The following APBA2 variants were observed in gnomAD, a reference collection of about 807,000 sequenced individuals.
The protein encoded by APBA2 is amyloid beta precursor protein binding family A member 2.
Under a neutral mutation model 75.0 loss-of-function variants are expected in APBA2, and 30 were observed. The ratio of observed to expected loss-of-function variants is 0.40; its 90% CI spans 0.30 to 0.54. The LOEUF is 0.54. Among genes scored for constraint, APBA2 ranks in the 20% least tolerant of loss-of-function variants. The probability of loss-of-function intolerance (pLI) is 0.49; values close to 1 mark genes in which losing one functional copy is unlikely to be tolerated. For missense variants in APBA2, 801 were observed against 1,016.1 expected (o/e 0.79, Z 2.88); for synonymous variants, 444 against 409.6 (o/e 1.08, Z -1.01).
intron 6 of APBA2, among the ~76,000 whole-genome samples, chr15:29,076,338 A>T (rs2042850316): frequency 6.6e-6 from 1 of 152,086 alleles, no homozygotes; most frequent in Admixed American, 6.5e-5. Context: ...ACCCTCACTA[A>T]TTGCATCACA....
At chr15:29,098,691 A>T in intron 9 of APBA2, 115 bp downstream of exon 9, 2 of 910,532 alleles carry the variant, frequency 2.2e-6, no homozygotes, top group Non-Finnish European at 3.5e-6. Context: ...CTCTGCGCCC[A>T]TCAACCCAAG....
At chr15:29,110,443 T>G (rs1281722585) in intron 13 of APBA2, among the ~76,000 whole-genome samples, 1 of 152,204 alleles carries the variant, frequency 6.6e-6, no homozygotes, top group Non-Finnish European at 1.5e-5. Context: ...CCTGGGTTGG[T>G]GGCCAGTGCT....
chr15:28,961,563 T>A (rs1241325977), intron 2 of APBA2: 1 of 152,154 alleles, frequency 6.6e-6, no homozygotes, highest in Admixed American at 6.5e-5. Flanking sequence ...CTGAGCTGGA[T>A]GTGAATGACG....
intron 3 of APBA2, among the ~76,000 whole-genome samples, chr15:29,048,914 G>A (rs1003983920): frequency 1.3e-5 from 2 of 150,992 alleles, no homozygotes; most frequent in Admixed American, 1.3e-4. Context: ...CTGCACTCCG[G>A]CCTGGCAACA....
intron 1 of APBA2, among the ~76,000 whole-genome samples, chr15:28,905,913 C>T (rs2033109575): frequency 1.3e-5 from 2 of 152,110 alleles, no homozygotes; most frequent in Admixed American, 1.3e-4. Context: ...TACAGAAATG[C>T]ATCATGTAGA....
At chr15:29,085,786 T>TAAA (rs1287477544) in intron 6 of APBA2, among the ~76,000 whole-genome samples, 3 of 152,168 alleles carry the variant, frequency 2.0e-5, no homozygotes, top group African/African-American at 4.8e-5. Context: ...TTGCCCCAGG[T>TAAA]CTGGAACCAG....
rs2045251126 is a variant in APBA2 at position 29,117,322 on chromosome 15, A to G, written c.*189A>G. On this transcript the variant is annotated 3_prime_UTR_variant, in exon 15 of 15. Coordinates refer to ENST00000683413, the MANE Select transcript of APBA2 (RefSeq NM_001353788.2). Reference sequence around the variant, plus strand: ...GCCAAAAAGGGGTATGTCTTTATCAAAGGAGAGTCACAGAACAAATGTTTG... The same window carrying G: ...GCCAAAAAGGGGTATGTCTTTATCAGAGGAGAGTCACAGAACAAATGTTTG... 3.3e-6 allele frequency: 2 copies of G among 609,546 alleles called. No homozygotes were observed. 37.8% of individuals were successfully genotyped at this position (609,546 alleles called of 1,614,324 possible).
At chr15:28,903,494 T>G (rs1328624807) in intron 1 of APBA2, among the ~76,000 whole-genome samples, 1 of 152,166 alleles carries the variant, frequency 6.6e-6, no homozygotes, top group Non-Finnish European at 1.5e-5. Flanking sequence ...AAATGGCCAT[T>G]TCAGCTTCAA....
chr15:28,926,952 G>A (rs1335895907), intron 2 of APBA2, among the ~76,000 whole-genome samples: 1 of 151,278 alleles, frequency 6.6e-6, no homozygotes, highest in Non-Finnish European at 1.5e-5. Context: ...TGCCTCCCGG[G>A]TTCATGCCAT....
At chr15:28,908,477 A>AT (rs1173813044) in intron 1 of APBA2, among the ~76,000 whole-genome samples, 4 of 151,576 alleles carry the variant, frequency 2.6e-5, no homozygotes, top group African/African-American at 4.9e-5. Flanking sequence ...TGCCCAGCTA[A>AT]TTTTTTGTAT....
intron 1 of APBA2, among the ~76,000 whole-genome samples, chr15:28,912,677 G>A (rs1726428067): frequency 6.6e-6 from 1 of 152,244 alleles, no homozygotes; most frequent in Non-Finnish European, 1.5e-5. Flanking sequence ...AGGCAGGAGA[G>A]GAGCTGGCCT....
chr15:29,070,108 G>A (rs571694014), intron 4 of APBA2, among the ~76,000 whole-genome samples: 3 of 152,194 alleles, frequency 2.0e-5, no homozygotes, highest in African/African-American at 7.2e-5. Flanking sequence ...AGTTACATTC[G>A]AATTTAGACG....
rs547750657 is a variant in APBA2, at chr15:29,116,351, G to T, written c.2179-711G>T. On this transcript the variant is annotated intron_variant, in intron 14 of 14. Coordinates refer to ENST00000683413, the MANE Select transcript of APBA2 (RefSeq NM_001353788.2). Reference sequence around the variant, plus strand: ...TTTTGTAAGAAGGGGTGTAGGCCGGGCGCGGTGGCTCAGGCCTGTAATCCC... The same window carrying T: ...TTTTGTAAGAAGGGGTGTAGGCCGGTCGCGGTGGCTCAGGCCTGTAATCCC... 2.6e-5 allele frequency among the ~76,000 whole-genome samples: 4 copies of T among 152,280 alleles called. No homozygotes were observed. In the South Asian group the frequency reaches 8.3e-4, roughly 32 times the overall value.
chr15:29,104,235 A>G (rs1475647803), intron 10 of APBA2, among the ~76,000 whole-genome samples: 3 of 152,224 alleles, frequency 2.0e-5, no homozygotes, highest in Non-Finnish European at 4.4e-5. Context: ...GCGCCCGTGC[A>G]GGACCCCCTT....
intron 4 of APBA2, among the ~76,000 whole-genome samples, chr15:29,060,111 T>C (rs2042068549): frequency 6.6e-6 from 1 of 152,300 alleles, no homozygotes; most frequent in East Asian, 1.9e-4. Context: ...CAAATGGTGA[T>C]GATGGAAAGG....
At chr15:29,057,370 A>G (rs1036877611) in intron 4 of APBA2, among the ~76,000 whole-genome samples, 4 of 152,220 alleles carry the variant, frequency 2.6e-5, no homozygotes, top group African/African-American at 9.6e-5. Context: ...CTCATTTTAC[A>G]GCTTGAAAAA....
At chr15:28,892,648 T>A (rs891097568) in intron 1 of APBA2, among the ~76,000 whole-genome samples, 10 of 152,228 alleles carry the variant, frequency 6.6e-5, no homozygotes, top group Middle Eastern at 3.4e-3. Context: ...TATGTGTGTG[T>A]GTGTGTGTGT....
intron 6 of APBA2, among the ~76,000 whole-genome samples, chr15:29,080,171 C>T (rs1007352959): frequency 1.6e-4 from 24 of 152,128 alleles, no homozygotes; most frequent in African/African-American, 4.8e-4. Context: ...GAGCCAGGCC[C>T]AGATCTAAGT....
At chr15:29,063,634 T>G in intron 4 of APBA2, among the ~76,000 whole-genome samples, 2 of 141,902 alleles carry the variant, frequency 1.4e-5, no homozygotes, top group African/African-American at 2.7e-5. Context: ...ATCTGGTCAG[T>G]GTCTGTATGG....
Sources: gnomAD v4.1 joint callset for allele counts (sites outside exome capture counted in the v4.1 genomes callset) on GRCh38, gnomAD v4.1.1 for gene constraint, MANE v1.5 for transcripts, NCBI Gene and HGNC (gene_info 2026-07-23, HGNC 2026-07-21) for gene names.